Variants in RANBP17 observed in about 807,000 individuals in gnomAD.
RANBP17 encodes the protein ran-binding protein 17.
RANBP17 carries 158 observed loss-of-function variants against 141.2 expected under a neutral mutation model. The ratio of observed to expected loss-of-function variants is 1.12; its 90% confidence interval spans 0.98 to 1.28. The LOEUF (loss-of-function observed/expected upper bound fraction) is 1.28, where lower values mean the gene tolerates loss of function less well. Among genes scored for constraint, RANBP17 ranks in the 50% most tolerant of loss-of-function variants. The pLI is 0.00. For missense variants in RANBP17, 1,438 were observed against 1,290.7 expected, an observed-to-expected ratio of 1.11 and a Z score of -1.75; for synonymous variants, 430 against 450.0, an observed-to-expected ratio of 0.96 and a Z score of 0.56.
intron 13 of RANBP17, among the ~76,000 whole-genome samples, chr5:170,957,549 A>T (rs1053374847): frequency 2.6e-5 from 4 of 152,308 alleles, no homozygotes; most frequent in Non-Finnish European, 5.9e-5. Context: ...CACTTTCCCA[A>T]CTGAGGTTGA....
At chr5:171,164,086 G>A (rs574037712) in intron 14 of RANBP17, among the ~76,000 whole-genome samples, 3 of 152,134 alleles carry the variant, frequency 2.0e-5, no homozygotes, top group South Asian at 2.1e-4. Flanking sequence ...TGAGAGATTC[G>A]TTGTTCTTTT....
intron 14 of RANBP17, among the ~76,000 whole-genome samples, chr5:171,134,314 A>G (rs928337082): frequency 2.6e-5 from 4 of 152,232 alleles, no homozygotes; most frequent in African/African-American, 9.6e-5. Flanking sequence ...CAATTTTAGA[A>G]GATACAATAT....
chr5:171,065,710 T>G (rs567045629), intron 14 of RANBP17, among the ~76,000 whole-genome samples: 1 of 152,278 alleles, frequency 6.6e-6, no homozygotes, highest in South Asian at 2.1e-4. Flanking sequence ...TTTTATTCCA[T>G]TGATTTGATA....
At chr5:170,874,073 C>A (rs1315966566) in intron 1 of RANBP17, among the ~76,000 whole-genome samples, 1 of 152,086 alleles carries the variant, frequency 6.6e-6, no homozygotes, top group South Asian at 2.1e-4. Context: ...CATAGAATTT[C>A]TTGATTTCTG....
Position 171,172,835 on chromosome 5 carries a change from A to G in RANBP17, c.1865+1549A>G, listed in dbSNP as rs1760194266. ...GCTATTTAAGATCTTTTTCTATCCT[A>G]TTAAGCCTATTATATATTCTTTAAT... On this transcript the variant is annotated intron_variant, in intron 16 of 27. Coordinates refer to ENST00000523189, the MANE Select transcript of RANBP17 (RefSeq NM_022897.5). 4.0e-5 allele frequency among the ~76,000 whole-genome samples: 6 copies of G among 151,896 alleles called. No homozygotes were observed. The South Asian group carries it at 1.2e-3, about 32-fold the overall frequency.
chr5:171,275,705 G>T, intron 25 of RANBP17, among the ~76,000 whole-genome samples: 1 of 152,092 alleles, frequency 6.6e-6, no homozygotes, highest in East Asian at 1.9e-4. Context: ...GCTAAATCAG[G>T]CCTAGATTAG....
chr5:171,097,607 T>TA (rs1786783305), intron 14 of RANBP17, among the ~76,000 whole-genome samples: 2 of 139,820 alleles, frequency 1.4e-5, no homozygotes, highest in Admixed American at 7.3e-5. Context: ...TATGTAGTCT[T>TA]TTTATTATTA....
At chr5:170,949,197 C>A (rs1775009351) in intron 12 of RANBP17, among the ~76,000 whole-genome samples, 1 of 152,046 alleles carries the variant, frequency 6.6e-6, no homozygotes, top group Admixed American at 6.6e-5. Flanking sequence ...CAACAGAAAA[C>A]AAATTAGATA....
chr5:171,052,527 A>G (rs1783022596), intron 14 of RANBP17, among the ~76,000 whole-genome samples: 1 of 152,148 alleles, frequency 6.6e-6, no homozygotes, highest in South Asian at 2.1e-4. Context: ...AAAATCATTT[A>G]TCCATAGATT....
At chr5:171,288,069 A>G (rs1266766978) in intron 25 of RANBP17, among the ~76,000 whole-genome samples, 3 of 152,166 alleles carry the variant, frequency 2.0e-5, no homozygotes, top group Non-Finnish European at 4.4e-5. Flanking sequence ...TGCTGTGTAC[A>G]TTACTTTTGG....
At chr5:170,937,685 G>C (rs1475204341) in intron 12 of RANBP17, among the ~76,000 whole-genome samples, 1 of 152,138 alleles carries the variant, frequency 6.6e-6, no homozygotes, top group Non-Finnish European at 1.5e-5. Flanking sequence ...CTTTACAGGT[G>C]ACCCTGTAAG....
intron 14 of RANBP17, among the ~76,000 whole-genome samples, chr5:171,161,745 G>T (rs1246613209): frequency 2.0e-5 from 3 of 152,060 alleles, no homozygotes; most frequent in African/African-American, 4.8e-5. Flanking sequence ...TGCTAACATT[G>T]CTGAGTAACC....
chr5:171,192,303 T>C (rs570910775), intron 18 of RANBP17, among the ~76,000 whole-genome samples: 2 of 152,340 alleles, frequency 1.3e-5, no homozygotes, highest in South Asian at 4.1e-4. Flanking sequence ...TAATTAAGAC[T>C]AATTAGCTGG....
intron 14 of RANBP17, among the ~76,000 whole-genome samples, chr5:171,107,462 T>C (rs1273431374): frequency 2.0e-5 from 3 of 152,226 alleles, no homozygotes; most frequent in Non-Finnish European, 4.4e-5. Context: ...TGGATGCTTA[T>C]AGTTCAGCCT....
chr5:170,874,622 G>A (rs952303804), intron 1 of RANBP17, among the ~76,000 whole-genome samples: 1 of 148,824 alleles, frequency 6.7e-6, no homozygotes, highest in African/African-American at 2.5e-5. Flanking sequence ...TTTAAAGTCT[G>A]TTTTGTCAGA....
At chr5:171,205,381 T>C (rs1762519210) in intron 19 of RANBP17, 143 bp from the exon 20 acceptor site, 1 of 646,230 alleles carries the variant, frequency 1.5e-6, no homozygotes, top group South Asian at 1.9e-5. Context: ...AAAGAGTCTG[T>C]GCTTTTCTGT....
chr5:171,075,942 G>A (rs1784893235), intron 14 of RANBP17, among the ~76,000 whole-genome samples: 1 of 151,806 alleles, frequency 6.6e-6, no homozygotes, highest in Non-Finnish European at 1.5e-5. Flanking sequence ...GTCAGAGTGA[G>A]ACTTGTGAAA....
chr5:171,054,011 CATG>C (rs1296146427), intron 14 of RANBP17, among the ~76,000 whole-genome samples: 1 of 150,094 alleles, frequency 6.7e-6, no homozygotes. Flanking sequence ...TTCTTTGTCT[CATG>C]ATAATTCTCT....
intron 22 of RANBP17, among the ~76,000 whole-genome samples, chr5:171,222,881 A>G (rs550011467): frequency 2.6e-5 from 4 of 152,262 alleles, no homozygotes; most frequent in Non-Finnish European, 2.9e-5. Flanking sequence ...CACCCACCTC[A>G]GCCTCCCAAA....
Sources: allele counts gnomAD v4.1 joint callset (sites outside exome capture counted in the v4.1 genomes callset), GRCh38; gene constraint gnomAD v4.1.1; transcripts MANE v1.5; gene names NCBI Gene and HGNC (gene_info 2026-07-23, HGNC 2026-07-21).